The following GRID2 variants were observed in gnomAD, a reference collection of about 807,000 sequenced individuals.
GRID2 encodes glutamate ionotropic receptor delta type subunit 2.
GRID2 carries 33 observed loss-of-function variants against 114.8 expected under a neutral mutation model. The ratio of observed to expected loss-of-function variants is 0.29; its 90% CI spans 0.22 to 0.38. The LOEUF is 0.38. Ranked by LOEUF, GRID2 falls within the 10% of genes least tolerant of loss-of-function variation. GRID2 has a pLI of 1.00. For missense variants in GRID2, 1,184 were observed against 1,257.7 expected, an observed-to-expected ratio of 0.94 and a Z score of 0.89; for synonymous variants, 505 against 449.9, an observed-to-expected ratio of 1.12 and a Z score of -1.55.
chr4:92,316,150 C>G (rs1046736237), intron 1 of GRID2, among the ~76,000 whole-genome samples: 1 of 152,112 alleles, frequency 6.6e-6, no homozygotes, highest in African/African-American at 2.4e-5. Context: ...GTGGCAGTTG[C>G]TGTCTTGCTA....
intron 1 of GRID2, among the ~76,000 whole-genome samples, chr4:93,780,714 C>A (rs923538293): frequency 1.1e-4 from 16 of 152,192 alleles, no homozygotes; most frequent in South Asian, 2.1e-4. Flanking sequence ...TGAAGCTGGG[C>A]TGGCGCTCAC....
chr4:92,366,538 C>T (rs995293353), intron 1 of GRID2, among the ~76,000 whole-genome samples: 2 of 151,924 alleles, frequency 1.3e-5, no homozygotes, highest in South Asian at 4.2e-4. Context: ...TTAGTATCTA[C>T]CACCTTGGGA....
intron 2 of GRID2, among the ~76,000 whole-genome samples, chr4:92,832,552 CCTGA>C (rs1159212914): frequency 3.9e-5 from 6 of 152,046 alleles, no homozygotes; most frequent in African/African-American, 1.2e-4. Flanking sequence ...CGCCACCACG[CCTGA>C]CTAATTTGTG....
chr4:92,704,715 CTCTCTCTT>C (rs1056769761), intron 2 of GRID2, among the ~76,000 whole-genome samples: 7 of 143,636 alleles, frequency 4.9e-5, no homozygotes, highest in Admixed American at 2.1e-4. Context: ...CTCTCTCTCT[CTCTCTCTT>C]TCTCTCTCTC....
chr4:92,662,310 T>C (rs1328499270), intron 2 of GRID2, among the ~76,000 whole-genome samples: 2 of 151,048 alleles, frequency 1.3e-5, no homozygotes, highest in African/African-American at 4.8e-5. Flanking sequence ...ATTTACTGCG[T>C]CATAATTTTA....
chr4:92,732,739 A>G (rs1243395607), intron 2 of GRID2, among the ~76,000 whole-genome samples: 3 of 152,090 alleles, frequency 2.0e-5, no homozygotes, highest in Non-Finnish European at 4.4e-5. Flanking sequence ...CTTTCTATCT[A>G]TCTACCTATC....
At chr4:92,378,741 A>G (rs768644058) in intron 1 of GRID2, among the ~76,000 whole-genome samples, 1 of 152,072 alleles carries the variant, frequency 6.6e-6, no homozygotes, top group Non-Finnish European at 1.5e-5. Flanking sequence ...TAAATTTACC[A>G]TCAACATATT....
chr4:93,276,200 G>C (rs547434653), intron 8 of GRID2, among the ~76,000 whole-genome samples: 1 of 151,862 alleles, frequency 6.6e-6, no homozygotes, highest in Admixed American at 6.6e-5. Flanking sequence ...TCCATTTGTT[G>C]AAACATCTAT....
intron 2 of GRID2, among the ~76,000 whole-genome samples, chr4:93,041,611 T>G (rs1725522936): frequency 6.6e-6 from 1 of 152,122 alleles, no homozygotes; most frequent in Non-Finnish European, 1.5e-5. Flanking sequence ...GGTCACTATG[T>G]ACAAATGATG....
intron 13 of GRID2, among the ~76,000 whole-genome samples, chr4:93,589,888 G>T (rs1209553144): frequency 8.6e-5 from 13 of 151,232 alleles, no homozygotes; most frequent in East Asian, 3.9e-4. Flanking sequence ...TTGCCCACTT[G>T]TTGATGGGGT....
chr4:93,406,436 T>C (rs746932550), intron 9 of GRID2, among the ~76,000 whole-genome samples: 1 of 152,228 alleles, frequency 6.6e-6, no homozygotes, highest in Non-Finnish European at 1.5e-5. Context: ...ATTATCTCAT[T>C]TTTGAGATAT....
intron 2 of GRID2, among the ~76,000 whole-genome samples, chr4:92,774,250 G>A (rs1738679694): frequency 6.6e-6 from 1 of 152,008 alleles, no homozygotes; most frequent in African/African-American, 2.4e-5. Flanking sequence ...GGCCATGGAG[G>A]GAGAGCATTC....
intron 8 of GRID2, among the ~76,000 whole-genome samples, chr4:93,314,299 G>C (rs1756339319): frequency 1.2e-5 from 1 of 84,816 alleles, no homozygotes; most frequent in African/African-American, 5.1e-5. Context: ...GTGAGAGTCT[G>C]TCTCAAAAAA....
intron 13 of GRID2, among the ~76,000 whole-genome samples, chr4:93,539,125 A>G (rs968798308): frequency 4.0e-5 from 6 of 151,850 alleles, no homozygotes; most frequent in African/African-American, 9.7e-5. Context: ...AGATTTTTCT[A>G]TTTTAGGCAT....
intron 2 of GRID2, among the ~76,000 whole-genome samples, chr4:92,607,074 T>G (rs1227006431): frequency 6.6e-6 from 1 of 152,008 alleles, no homozygotes; most frequent in Non-Finnish European, 1.5e-5. Flanking sequence ...ACAGCATAGT[T>G]GAGTGTCTGA....
At chr4:93,406,117 A>G (rs1766385862) in intron 9 of GRID2, among the ~76,000 whole-genome samples, 3 of 152,128 alleles carry the variant, frequency 2.0e-5, no homozygotes, top group African/African-American at 4.8e-5. Context: ...TTGAATCCTT[A>G]TCTATCTAAT....
chr4:92,819,178 A>T (rs928591454), intron 2 of GRID2, among the ~76,000 whole-genome samples: 2 of 152,102 alleles, frequency 1.3e-5, no homozygotes, highest in African/African-American at 4.8e-5. Context: ...ATTATCTAGA[A>T]AGTGGATAAT....
At chr4:92,613,000 C>A (rs1729829771) in intron 2 of GRID2, among the ~76,000 whole-genome samples, 1 of 151,254 alleles carries the variant, frequency 6.6e-6, no homozygotes. Flanking sequence ...TTTCCTGTTT[C>A]TAATATTAGG....
intron 2 of GRID2, among the ~76,000 whole-genome samples, chr4:92,666,893 G>C (rs1732816847): frequency 6.6e-6 from 1 of 151,256 alleles, no homozygotes; most frequent in Admixed American, 6.6e-5. Context: ...GGGAGATGTA[G>C]CAAGAGTGGG....
Sources: gnomAD v4.1 joint callset for allele counts (sites outside exome capture counted in the v4.1 genomes callset) on GRCh38, gnomAD v4.1.1 for gene constraint, MANE v1.5 for transcripts, NCBI Gene and HGNC (gene_info 2026-07-23, HGNC 2026-07-21) for gene names.